The following KLHL14 variants were observed in gnomAD, a reference collection of about 807,000 sequenced individuals.
KLHL14 encodes the protein kelch like family member 14.
In KLHL14, 22 loss-of-function variants were observed where a neutral mutation model predicts 64.3. That is an observed-to-expected ratio of 0.34 (90% CI 0.24 to 0.49). The LOEUF (loss-of-function observed/expected upper bound fraction) is 0.49. KLHL14 is among the 20% of genes least tolerant of loss of function. The pLI is 0.99. For missense variants in KLHL14, 661 were observed against 789.0 expected, an observed-to-expected ratio of 0.84 and a Z score of 1.94; for synonymous variants, 322 against 333.4, an observed-to-expected ratio of 0.97 and a Z score of 0.37.
At position 32,770,520 on chromosome 18, in the gene KLHL14, G is replaced by A; in HGVS notation, c.72C>T (p.Asn24=). The A allele has an allele frequency of 1.2e-6, 2 of 1,606,948 alleles. No homozygotes were observed. Among genetic ancestry groups the A allele is most frequent in the East Asian group, 2.3e-5 (1 of 44,412 alleles). ...AAAACAGCTGCTTCCTCCACAGCAG[G>A]TTGAGGCCGTGCAGCAGGTTGTCGC... ...SHSDNLLHGL[N]LLWRKQLFCD... Residue 24 remains asparagine (N), a synonymous_variant, in exon 2 of 9, where the codon AAC becomes AAT. Coordinates refer to ENST00000359358, the MANE Select transcript of KLHL14 (RefSeq NM_020805.3). The surrounding 1 kb of genome is among the most constrained non-coding windows in gnomAD (Gnocchi z 6.7).
At chr18:32,753,358 A>T (rs1286905317) in intron 2 of KLHL14, among the ~76,000 whole-genome samples, 1 of 152,140 alleles carries the variant, frequency 6.6e-6, no homozygotes, top group Non-Finnish European at 1.5e-5. Context: ...GTTGCTTTAC[A>T]CATTGCAATT....
At chr18:32,702,786 A>G (rs576080221) in intron 3 of KLHL14, among the ~76,000 whole-genome samples, 2 of 152,276 alleles carry the variant, frequency 1.3e-5, no homozygotes, top group Non-Finnish European at 2.9e-5. Context: ...AATGTTCTGA[A>G]TTAACCCAAA....
intron 4 of KLHL14, among the ~76,000 whole-genome samples, chr18:32,693,998 T>C (rs568486787): frequency 6.6e-6 from 1 of 152,090 alleles, no homozygotes; most frequent in Non-Finnish European, 1.5e-5. Context: ...GTTTTGTTTT[T>C]TTGCATATGC....
chr18:32,700,929 CA>C (rs976443044), intron 3 of KLHL14, among the ~76,000 whole-genome samples: 8 of 152,044 alleles, frequency 5.3e-5, no homozygotes, highest in Non-Finnish European at 1.0e-4. Flanking sequence ...GCAAGAATAG[CA>C]AGTGCAAAGA....
intron 1 of KLHL14, chr18:32,772,218 T>A (rs1448626902): frequency 2.5e-6 from 1 of 396,252 alleles, no homozygotes; most frequent in Non-Finnish European, 5.2e-6. Flanking sequence ...CTGGCGCCGG[T>A]CCTGGATCGC....
At chr18:32,756,470 T>G (rs1256731147) in intron 2 of KLHL14, among the ~76,000 whole-genome samples, 1 of 152,106 alleles carries the variant, frequency 6.6e-6, no homozygotes, top group Non-Finnish European at 1.5e-5. Context: ...TAAGGTGAGA[T>G]TATTCCTTCT....
intron 3 of KLHL14, among the ~76,000 whole-genome samples, chr18:32,726,812 G>A (rs1424314818): frequency 6.6e-6 from 1 of 152,126 alleles, no homozygotes; most frequent in Admixed American, 6.5e-5. Context: ...GCTGCCATGT[G>A]CTCTCTTCAC....
chr18:32,737,257 T>G (rs1456080163), intron 3 of KLHL14: 2 of 152,168 alleles, frequency 1.3e-5, no homozygotes, highest in Non-Finnish European at 2.9e-5. Flanking sequence ...ACAAAGCCCT[T>G]AATTTAACTT....
chr18:32,730,094 T>C (rs949424423), intron 3 of KLHL14, among the ~76,000 whole-genome samples: 1 of 152,250 alleles, frequency 6.6e-6, no homozygotes, highest in Non-Finnish European at 1.5e-5. Context: ...ATTTACTATA[T>C]TCAATTCTTT....
intron 3 of KLHL14, among the ~76,000 whole-genome samples, chr18:32,734,751 G>T (rs1443399568): frequency 1.3e-5 from 2 of 152,150 alleles, no homozygotes; most frequent in East Asian, 1.9e-4. Flanking sequence ...AACCCTGTGA[G>T]GTGAGTACAA....
chr18:32,736,215 G>T (rs531940139), intron 3 of KLHL14, among the ~76,000 whole-genome samples: 1 of 152,230 alleles, frequency 6.6e-6, no homozygotes, highest in East Asian at 1.9e-4. Flanking sequence ...TACAGTATTT[G>T]GAGTGACCAC....
At chr18:32,747,059 T>TATC (rs1443632623) in intron 2 of KLHL14, among the ~76,000 whole-genome samples, 7 of 152,228 alleles carry the variant, frequency 4.6e-5, no homozygotes, top group Non-Finnish European at 1.0e-4. Flanking sequence ...TAATTATTAT[T>TATC]ATCTATTTGG....
At chr18:32,734,376 C>T in intron 3 of KLHL14, 1 of 633,988 alleles carries the variant, frequency 1.6e-6, no homozygotes, top group Non-Finnish European at 2.8e-6. Flanking sequence ...CCCTGAATGA[C>T]TCTGTGGAGC....
intron 2 of KLHL14, among the ~76,000 whole-genome samples, chr18:32,752,879 G>A (rs1207483547): frequency 6.7e-6 from 1 of 150,038 alleles, no homozygotes; most frequent in Non-Finnish European, 1.5e-5. Flanking sequence ...CGCCTCCAAT[G>A]TGGGAACTTT....
intron 3 of KLHL14, among the ~76,000 whole-genome samples, chr18:32,723,533 G>A (rs545062701): frequency 4.6e-4 from 70 of 152,286 alleles, no homozygotes; most frequent in African/African-American, 1.6e-3. Flanking sequence ...AAGGTCCTTA[G>A]TTGGCCCTTT....
At chr18:32,733,946 T>C (rs1439768585) in intron 3 of KLHL14, 3 of 555,882 alleles carry the variant, frequency 5.4e-6, no homozygotes, top group Non-Finnish European at 9.7e-6. Context: ...GACCAGATAA[T>C]TTCTCTTTAG....
At chr18:32,733,218 A>G (rs985593620) in intron 3 of KLHL14, among the ~76,000 whole-genome samples, 6 of 152,206 alleles carry the variant, frequency 3.9e-5, no homozygotes, top group African/African-American at 1.4e-4. Context: ...ATGTTTTAGA[A>G]GAAAGTTCCA....
intron 3 of KLHL14, among the ~76,000 whole-genome samples, chr18:32,733,411 A>AGAGAGG (rs1228711287): frequency 6.6e-6 from 1 of 151,778 alleles, no homozygotes; most frequent in African/African-American, 2.4e-5. Flanking sequence ...AGAGAGAGAG[A>AGAGAGG]GAAGGACACA....
chr18:32,735,224 C>T (rs543093492), intron 3 of KLHL14, among the ~76,000 whole-genome samples: 64 of 152,164 alleles, frequency 4.2e-4, no homozygotes, highest in African/African-American at 1.5e-3. Flanking sequence ...TTTTGACTAA[C>T]GGCATCTTTT....
Sources: allele counts gnomAD v4.1 joint callset (sites outside exome capture counted in the v4.1 genomes callset), GRCh38; gene constraint gnomAD v4.1.1; non-coding constraint Gnocchi (gnomAD v3.1); transcripts MANE v1.5; gene names NCBI Gene and HGNC (gene_info 2026-07-23, HGNC 2026-07-21).